SAMD12: variants seen among roughly 807,000 people sequenced by gnomAD.
The protein encoded by SAMD12 is sterile alpha motif domain containing 12, also known as sterile alpha motif domain-containing protein 12.
Under a neutral mutation model 15.0 loss-of-function variants are expected in SAMD12, and 9 were observed. That is an observed-to-expected ratio of 0.60 (90% CI 0.36 to 1.05). The LOEUF is 1.05. SAMD12 is among the 50% of genes least tolerant of loss of function. The probability of loss-of-function intolerance (pLI) is 0.01; values close to 1 mark genes in which losing one functional copy is unlikely to be tolerated. For synonymous variants in SAMD12, 86 were observed against 90.1 expected (o/e 0.96, Z 0.25); for missense variants, 230 against 234.2 (o/e 0.98, Z 0.12).
At chr8:118,383,482 T>G (rs1014046583) in intron 3 of SAMD12, among the ~76,000 whole-genome samples, 15 of 151,742 alleles carry the variant, frequency 9.9e-5, no homozygotes, top group Non-Finnish European at 2.2e-4. Context: ...GCCACATGAA[T>G]GAAAAGGGGG....
At chr8:118,400,009 A>G (rs896829039) in intron 3 of SAMD12, among the ~76,000 whole-genome samples, 3 of 152,222 alleles carry the variant, frequency 2.0e-5, no homozygotes, top group Non-Finnish European at 4.4e-5. Flanking sequence ...TTCTGTGTGT[A>G]TCATCTATTG....
intron 3 of SAMD12, among the ~76,000 whole-genome samples, chr8:118,380,706 G>A (rs533000828): frequency 6.6e-6 from 1 of 152,316 alleles, no homozygotes; most frequent in South Asian, 2.1e-4. Context: ...GCAATTACAT[G>A]TGACGAATGA....
the SAMD12 span, among the ~76,000 whole-genome samples, chr8:118,161,104 C>G: frequency 6.6e-6 from 1 of 152,142 alleles, no homozygotes. Context: ...TCATCCATGT[C>G]CCTGCAAAGG....
intron 1 of SAMD12, among the ~76,000 whole-genome samples, chr8:118,588,968 T>C (rs1827515576): frequency 6.6e-6 from 1 of 152,168 alleles, no homozygotes; most frequent in Non-Finnish European, 1.5e-5. Flanking sequence ...AAAATTTCTA[T>C]AGAGGTCTTT....
chr8:118,201,409 C>T (rs1162909685), intron 4 of SAMD12, among the ~76,000 whole-genome samples: 1 of 152,132 alleles, frequency 6.6e-6, no homozygotes. Context: ...CTTCTAGACA[C>T]AGCTAACAAC....
chr8:118,521,947 G>GTA (rs1331052619), intron 2 of SAMD12, among the ~76,000 whole-genome samples: 1 of 152,112 alleles, frequency 6.6e-6, no homozygotes, highest in Non-Finnish European at 1.5e-5. Flanking sequence ...CAGTCAGTAA[G>GTA]TATATATATT....
the SAMD12 span, among the ~76,000 whole-genome samples, chr8:118,141,798 A>C: frequency 6.6e-6 from 1 of 152,256 alleles, no homozygotes; most frequent in African/African-American, 2.4e-5. Context: ...TAAGCAAAGA[A>C]GCAAGACCAG....
At chr8:118,497,343 G>T (rs1254321436) in intron 2 of SAMD12, among the ~76,000 whole-genome samples, 1 of 152,126 alleles carries the variant, frequency 6.6e-6, no homozygotes, top group East Asian at 1.9e-4. Context: ...CGGTGGACTG[G>T]ATAAAGAAAA....
chr8:118,525,356 T>C (rs1825504938), intron 2 of SAMD12, among the ~76,000 whole-genome samples: 1 of 152,176 alleles, frequency 6.6e-6, no homozygotes, highest in East Asian at 1.9e-4. Flanking sequence ...TACCTTGCTT[T>C]ATAAGACTTT....
At chr8:118,280,631 G>C (rs1344692329) in intron 4 of SAMD12, among the ~76,000 whole-genome samples, 2 of 152,096 alleles carry the variant, frequency 1.3e-5, no homozygotes, top group Non-Finnish European at 2.9e-5. Context: ...CCTTCCAAAA[G>C]CAAGCTCCAG....
intron 2 of SAMD12, among the ~76,000 whole-genome samples, chr8:118,554,510 A>G (rs1586815147): frequency 7.4e-6 from 1 of 135,218 alleles, no homozygotes; most frequent in African/African-American, 2.8e-5. Context: ...AGGAAGGGGA[A>G]CATCACACTC....
intron 2 of SAMD12, among the ~76,000 whole-genome samples, chr8:118,462,718 C>T (rs1823461218): frequency 1.3e-5 from 2 of 152,182 alleles, no homozygotes; most frequent in African/African-American, 4.8e-5. Flanking sequence ...AAATCCAAAG[C>T]ACAGAGGCCA....
intron 4 of SAMD12, among the ~76,000 whole-genome samples, chr8:118,257,551 C>T (rs1812977154): frequency 6.6e-6 from 1 of 152,032 alleles, no homozygotes; most frequent in Non-Finnish European, 1.5e-5. Flanking sequence ...ATGAAATGAC[C>T]ATACGGAATC....
At chr8:118,574,368 T>C (rs1313918245) in intron 2 of SAMD12, among the ~76,000 whole-genome samples, 3 of 152,218 alleles carry the variant, frequency 2.0e-5, no homozygotes, top group Admixed American at 6.5e-5. Context: ...TTATTTCCTA[T>C]AGATCTGTCA....
intron 3 of SAMD12, among the ~76,000 whole-genome samples, chr8:118,407,006 A>C (rs1314891450): frequency 1.3e-5 from 2 of 151,894 alleles, no homozygotes; most frequent in Admixed American, 6.6e-5. Context: ...TGCTGCAATA[A>C]ACATGGCAAA....
intron 3 of SAMD12, among the ~76,000 whole-genome samples, chr8:118,411,613 G>T (rs990703963): frequency 2.7e-5 from 3 of 112,154 alleles, no homozygotes; most frequent in African/African-American, 1.1e-4. Flanking sequence ...AATAGTTAAA[G>T]GAGTTTTGAA....
intron 4 of SAMD12, among the ~76,000 whole-genome samples, chr8:118,354,316 G>C (rs1818113503): frequency 6.6e-6 from 1 of 152,196 alleles, no homozygotes; most frequent in Non-Finnish European, 1.5e-5. Context: ...GAATGGTCTA[G>C]ATTCTAGAAC....
chr8:118,289,377 C>A (rs1814233852), intron 4 of SAMD12, among the ~76,000 whole-genome samples: 1 of 152,066 alleles, frequency 6.6e-6, no homozygotes, highest in African/African-American at 2.4e-5. Context: ...ACAAATGTCC[C>A]CCTGAAGCAG....
At chr8:118,353,834 T>A (rs1037918038) in intron 4 of SAMD12, among the ~76,000 whole-genome samples, 4 of 152,158 alleles carry the variant, frequency 2.6e-5, no homozygotes, top group Non-Finnish European at 5.9e-5. Flanking sequence ...TGGATGCATT[T>A]AGCCAGTGAG....
Sources: allele counts gnomAD v4.1 joint callset (sites outside exome capture counted in the v4.1 genomes callset), GRCh38; gene constraint gnomAD v4.1.1; transcripts MANE v1.5; gene names NCBI Gene and HGNC (gene_info 2026-07-23, HGNC 2026-07-21).